The following RABGAP1L variants were observed in gnomAD, a reference collection of about 807,000 sequenced individuals.
The protein encoded by RABGAP1L is rab GTPase-activating protein 1-like.
RABGAP1L carries 63 observed loss-of-function variants against 137.7 expected under a neutral mutation model. The observed-to-expected ratio is 0.46, with a 90% CI of 0.37 to 0.56. The LOEUF (loss-of-function observed/expected upper bound fraction) is 0.56, where lower values mean the gene tolerates loss of function less well. Among genes scored for constraint, RABGAP1L ranks in the 20% least tolerant of loss-of-function variants. The pLI is 0.00. For missense variants in RABGAP1L, 1,095 were observed against 1,244.0 expected, an observed-to-expected ratio of 0.88 and a Z score of 1.80; for synonymous variants, 431 against 433.7, an observed-to-expected ratio of 0.99 and a Z score of 0.08.
chr1:174,194,926 A>G (rs886639495), intron 1 of RABGAP1L, among the ~76,000 whole-genome samples: 2 of 152,200 alleles, frequency 1.3e-5, no homozygotes, highest in Admixed American at 6.5e-5. Flanking sequence ...TTTCACCCTA[A>G]TATGGTGTGA....
intron 14 of RABGAP1L, among the ~76,000 whole-genome samples, chr1:174,659,894 G>A (rs1194166523): frequency 6.6e-6 from 1 of 152,052 alleles, no homozygotes; most frequent in Non-Finnish European, 1.5e-5. Context: ...CTTGCTGCTA[G>A]TTTCTTCCTC....
chr1:174,768,010 C>T (rs1311976062), intron 18 of RABGAP1L, among the ~76,000 whole-genome samples: 1 of 152,152 alleles, frequency 6.6e-6, no homozygotes, highest in Non-Finnish European at 1.5e-5. Flanking sequence ...CCCCATGATT[C>T]GGTTATCTCC....
At position 174,318,632 on chromosome 1, in the gene RABGAP1L, CTT is replaced by C. The variant is rs777447584; in HGVS notation, c.1465+13509_1465+13510del. Among the ~76,000 whole-genome samples, 14 of 86,424 alleles carry C rather than the reference CTT, an allele frequency of 1.6e-4. No individual in the cohort carries two copies. The East Asian group carries it at 1.7e-3, about 10-fold the overall frequency. The allele number at this position is 86,424 out of a possible 152,430, so 56.7% of individuals were successfully genotyped here. ...TCTTTCTTTCTTTCTTTCTTTCTTT[CTT>C]TTTCTTTCTTTTTTGTAGACTTTTT... is the stretch of plus-strand genomic sequence containing the variant. On this transcript the variant is annotated intron_variant, in intron 11 of 25. Coordinates refer to ENST00000681986, the MANE Select transcript of RABGAP1L (RefSeq NM_001366446.1).
chr1:174,909,460 C>G (rs1426791686), intron 19 of RABGAP1L, among the ~76,000 whole-genome samples: 1 of 152,164 alleles, frequency 6.6e-6, no homozygotes, highest in Non-Finnish European at 1.5e-5. Context: ...CTGCTGAGCT[C>G]AAGCTATCCT....
chr1:174,710,941 T>C (rs1558006608), intron 17 of RABGAP1L, among the ~76,000 whole-genome samples: 1 of 152,170 alleles, frequency 6.6e-6, no homozygotes, highest in Admixed American at 6.5e-5. Context: ...TCGGGGAGGC[T>C]CAGGCTGCGC....
At chr1:174,232,849 A>T (rs1299103902) in intron 4 of RABGAP1L, among the ~76,000 whole-genome samples, 1 of 151,770 alleles carries the variant, frequency 6.6e-6, no homozygotes, top group Non-Finnish European at 1.5e-5. Context: ...TGAAATCCTT[A>T]TCATGGTTAG....
At chr1:174,628,631 T>C (rs1271427822) in intron 13 of RABGAP1L, among the ~76,000 whole-genome samples, 1 of 152,190 alleles carries the variant, frequency 6.6e-6, no homozygotes, top group Non-Finnish European at 1.5e-5. Flanking sequence ...CCTATAGGAA[T>C]TAAGTGAGGA....
At chr1:174,564,038 G>A (rs1342637833) in intron 13 of RABGAP1L, among the ~76,000 whole-genome samples, 1 of 152,108 alleles carries the variant, frequency 6.6e-6, no homozygotes, top group Non-Finnish European at 1.5e-5. Context: ...TAGTAATAAG[G>A]GGTATCCATC....
intron 19 of RABGAP1L, among the ~76,000 whole-genome samples, chr1:174,881,362 A>C (rs1266009800): frequency 3.9e-5 from 6 of 152,130 alleles, no homozygotes; most frequent in Non-Finnish European, 8.8e-5. Flanking sequence ...GGGGTATTAT[A>C]AAACTTTCTG....
intron 18 of RABGAP1L, among the ~76,000 whole-genome samples, chr1:174,766,138 G>A (rs1336355371): frequency 6.6e-6 from 1 of 152,182 alleles, no homozygotes; most frequent in African/African-American, 2.4e-5. Flanking sequence ...ACAGGGAGAA[G>A]ACAGCCATCT....
At chr1:174,849,536 G>C (rs907508178) in intron 19 of RABGAP1L, 8 of 316,114 alleles carry the variant, frequency 2.5e-5, no homozygotes, top group Non-Finnish European at 4.9e-5. Flanking sequence ...TGAAAAGTCA[G>C]GGAGGTCAAT....
intron 18 of RABGAP1L, among the ~76,000 whole-genome samples, chr1:174,777,012 A>T (rs1046266942): frequency 1.3e-4 from 20 of 152,212 alleles, no homozygotes; most frequent in Non-Finnish European, 2.2e-4. Flanking sequence ...TAGTTTTACT[A>T]AATATTGTGA....
intron 24 of RABGAP1L, among the ~76,000 whole-genome samples, chr1:174,987,593 T>C (rs764277090): frequency 6.6e-6 from 1 of 152,202 alleles, no homozygotes; most frequent in Non-Finnish European, 1.5e-5. Flanking sequence ...GGAGAGTTGC[T>C]TTTTGTGTGT....
intron 17 of RABGAP1L, among the ~76,000 whole-genome samples, chr1:174,747,020 T>A (rs552169716): frequency 6.6e-6 from 1 of 152,322 alleles, no homozygotes; most frequent in Non-Finnish European, 1.5e-5. Flanking sequence ...GTACATGTTT[T>A]CCCCTTAAGA....
intron 12 of RABGAP1L, among the ~76,000 whole-genome samples, chr1:174,384,052 T>G (rs561724434): frequency 4.8e-4 from 73 of 152,274 alleles, no homozygotes; most frequent in African/African-American, 1.3e-3. Context: ...AGTAAATGGA[T>G]CAACCAACTG....
At chr1:174,933,419 T>C (rs760946300) in intron 19 of RABGAP1L, among the ~76,000 whole-genome samples, 25 of 152,136 alleles carry the variant, frequency 1.6e-4, no homozygotes, top group Non-Finnish European at 2.9e-4. Context: ...ATTACGATGC[T>C]TGGGCCAGGT....
chr1:174,939,334 T>A (rs1665436465), intron 19 of RABGAP1L, among the ~76,000 whole-genome samples: 1 of 152,052 alleles, frequency 6.6e-6, no homozygotes, highest in Non-Finnish European at 1.5e-5. Context: ...GGCAGGCAAA[T>A]CACTTCAGAT....
At chr1:174,496,342 G>A (rs1448366639) in intron 13 of RABGAP1L, among the ~76,000 whole-genome samples, 1 of 152,148 alleles carries the variant, frequency 6.6e-6, no homozygotes, top group Non-Finnish European at 1.5e-5. Flanking sequence ...AAACAGGGAG[G>A]TATTGACAGT....
At chr1:174,694,842 C>T (rs1312207914) in intron 15 of RABGAP1L, among the ~76,000 whole-genome samples, 2 of 151,326 alleles carry the variant, frequency 1.3e-5, no homozygotes, top group Non-Finnish European at 3.0e-5. Flanking sequence ...CCTATTTCTC[C>T]ACATCCTCTC....
Sources: allele counts gnomAD v4.1 joint callset (sites outside exome capture counted in the v4.1 genomes callset), GRCh38; gene constraint gnomAD v4.1.1; transcripts MANE v1.5; gene names NCBI Gene and HGNC (gene_info 2026-07-23, HGNC 2026-07-21).